The following ARL13B variants were observed in gnomAD, a reference collection of about 807,000 sequenced individuals.
ARL13B encodes the protein ADP-ribosylation factor-like protein 13B.
A neutral mutation model predicts 56.1 loss-of-function variants in ARL13B; 36 were observed. The ratio of observed to expected loss-of-function variants is 0.64; its 90% CI spans 0.49 to 0.85. The LOEUF (loss-of-function observed/expected upper bound fraction) is 0.85. Ranked by LOEUF, ARL13B falls within the 40% of genes least tolerant of loss-of-function variation. ARL13B has a pLI of 0.00. For missense variants in ARL13B, 519 were observed against 507.1 expected, an observed-to-expected ratio of 1.02 and a Z score of -0.23; for synonymous variants, 178 against 171.1, an observed-to-expected ratio of 1.04 and a Z score of -0.32.
chr3:94,016,935 G>A (rs1000135023), intron 3 of ARL13B, among the ~76,000 whole-genome samples: 19 of 152,076 alleles, frequency 1.2e-4, no homozygotes, highest in African/African-American at 7.2e-5. Context: ...GTGAGCCACC[G>A]CTCCCAGCCT....
At chr3:93,992,967 A>ATTTTTTTT (rs137978294) in intron 1 of ARL13B, among the ~76,000 whole-genome samples, 2 of 114,572 alleles carry the variant, frequency 1.7e-5, no homozygotes, top group Non-Finnish European at 1.9e-5. Flanking sequence ...TAATTTTTGT[A>ATTTTTTTT]TTTTTTTTTT....
At chr3:93,992,484 A>G (rs1209948275) in intron 1 of ARL13B, among the ~76,000 whole-genome samples, 1 of 152,040 alleles carries the variant, frequency 6.6e-6, no homozygotes, top group Non-Finnish European at 1.5e-5. Context: ...TACTGTAATT[A>G]CCTCTCCAGT....
At position 93,980,469 on chromosome 3, in the gene ARL13B, C is replaced by T; in HGVS notation, c.46C>T (p.Arg16Trp). Residue 16 changes from arginine (R) to tryptophan (W), a missense_variant, in exon 1 of 10, where the codon CGG becomes TGG. Arg to Trp is a moderately radical substitution (Grantham distance 101, BLOSUM62 -3). Coordinates refer to ENST00000394222, the MANE Select transcript of ARL13B (RefSeq NM_001174150.2). Reference sequence around the variant, plus strand: ...TTGCTGCGGCTGGTTCAAGCGGTGGCGGGAGCCTGTCAGGTAGGCTGGAGC... The same window carrying T: ...TTGCTGCGGCTGGTTCAAGCGGTGGTGGGAGCCTGTCAGGTAGGCTGGAGC... ...ASCCGWFKRWREPVRKVTLLM... is the reference protein window; with the variant it reads ...ASCCGWFKRWWEPVRKVTLLM... The T allele has an allele frequency of 1.2e-6, 2 of 1,611,586 alleles. No individual in the cohort carries two copies. Among genetic ancestry groups the T allele is most frequent in the Non-Finnish European group, 8.5e-7 (1 of 1,179,960 alleles).
chr3:94,029,133 T>A (rs1371489140), intron 3 of ARL13B, among the ~76,000 whole-genome samples: 1 of 150,942 alleles, frequency 6.6e-6, no homozygotes, highest in Non-Finnish European at 1.5e-5. Flanking sequence ...AAATCATTTA[T>A]TTTGTCAATA....
chr3:93,980,314 GACTTATCC>G lies in ARL13B; in HGVS notation c.-105_-98del. On this transcript the variant is annotated 5_prime_UTR_variant, in exon 1 of 10. Coordinates refer to ENST00000394222, the MANE Select transcript of ARL13B (RefSeq NM_001174150.2). ...CACTTCCCTCCCGGCTTTTCCTCCC[GACTTATCC>G]ACTTTAGGGGCGTCTCGGAGTGCCG... The G allele has an allele frequency of 6.9e-7, 1 of 1,441,384 alleles. No individual in the cohort carries two copies. The highest frequency in any genetic ancestry group is 1.1e-5 in the South Asian group (1 of 87,288). The allele number at this position is 1,441,384 out of a possible 1,614,324, so 89.3% of individuals were successfully genotyped here.
At chr3:94,004,006 C>A (rs186946002) in intron 3 of ARL13B, 98 bp downstream of exon 3, 26 of 1,535,084 alleles carry the variant, frequency 1.7e-5, no homozygotes, top group East Asian at 1.1e-4. Context: ...AAAATAGTCA[C>A]GCTTTAGTAT....
intron 3 of ARL13B, among the ~76,000 whole-genome samples, chr3:94,006,480 A>G (rs2076137595): frequency 6.6e-6 from 1 of 151,778 alleles, no homozygotes; most frequent in Admixed American, 6.6e-5. Flanking sequence ...TCACTACTCC[A>G]TTTCCCTTTA....
At chr3:94,025,696 G>A (rs1345539385) in intron 3 of ARL13B, among the ~76,000 whole-genome samples, 1 of 152,116 alleles carries the variant, frequency 6.6e-6, no homozygotes, top group Non-Finnish European at 1.5e-5. Flanking sequence ...AACGCCCCAT[G>A]GAGTTTGCCC....
At chr3:94,046,867 C>A (rs537969316) in intron 7 of ARL13B, among the ~76,000 whole-genome samples, 2 of 151,926 alleles carry the variant, frequency 1.3e-5, no homozygotes, top group Non-Finnish European at 2.9e-5. Context: ...AATTGCTTTT[C>A]TTTTTCTAAC....
intron 7 of ARL13B, chr3:94,047,976 C>G (rs1361579027): frequency 1.3e-5 from 2 of 150,386 alleles, no homozygotes; most frequent in African/African-American, 4.9e-5. Flanking sequence ...CAGATAATTC[C>G]CATTTAGAAA....
chr3:94,009,092 G>C (rs1242472288), intron 3 of ARL13B, among the ~76,000 whole-genome samples: 1 of 151,642 alleles, frequency 6.6e-6, no homozygotes, highest in Non-Finnish European at 1.5e-5. Flanking sequence ...TAGATAGATA[G>C]ATAGATAGAT....
At chr3:94,032,249 T>C (rs558203341) in intron 3 of ARL13B, among the ~76,000 whole-genome samples, 104 of 152,094 alleles carry the variant, frequency 6.8e-4, no homozygotes, top group Non-Finnish European at 1.1e-3. Flanking sequence ...AAGACATGAA[T>C]AGTCATTTTT....
chr3:94,002,377 G>A (rs1292691492), intron 2 of ARL13B, among the ~76,000 whole-genome samples: 1 of 152,034 alleles, frequency 6.6e-6, no homozygotes, highest in African/African-American at 2.4e-5. Context: ...ACCACATATG[G>A]CTTTTGAACA....
intron 2 of ARL13B, among the ~76,000 whole-genome samples, chr3:94,000,135 G>T (rs2076029479): frequency 6.6e-6 from 1 of 152,088 alleles, no homozygotes; most frequent in Admixed American, 6.6e-5. Flanking sequence ...TTTCATATTG[G>T]CTCATATCAA....
intron 3 of ARL13B, among the ~76,000 whole-genome samples, chr3:94,012,628 T>C (rs2076244747): frequency 6.6e-6 from 1 of 152,150 alleles, no homozygotes; most frequent in African/African-American, 2.4e-5. Context: ...ATTGGTAAAA[T>C]TGTAAAAATA....
At chr3:94,046,144 A>C (rs372389712) in intron 7 of ARL13B, among the ~76,000 whole-genome samples, 1 of 151,916 alleles carries the variant, frequency 6.6e-6, no homozygotes, top group Non-Finnish European at 1.5e-5. Context: ...CAAACTGCAC[A>C]TATTTATAGT....
At chr3:94,010,399 C>A (rs954515237) in intron 3 of ARL13B, among the ~76,000 whole-genome samples, 1 of 151,928 alleles carries the variant, frequency 6.6e-6, no homozygotes, top group Non-Finnish European at 1.5e-5. Flanking sequence ...TTTCATCTTA[C>A]GAATTCAAGC....
chr3:94,012,084 T>C (rs1419887907), intron 3 of ARL13B, among the ~76,000 whole-genome samples: 4 of 152,176 alleles, frequency 2.6e-5, no homozygotes, highest in Admixed American at 2.0e-4. Context: ...CAGTTTCAGT[T>C]AGTTTCTTTT....
rs2077103864 is a variant in ARL13B at position 94,053,879 on chromosome 3, C to T, written c.*616C>T. The T allele has an allele frequency of 6.4e-6, 2 of 310,840 alleles. No homozygotes were observed. The highest frequency in any genetic ancestry group is 4.5e-5 in the Admixed American group (1 of 22,276). 19.3% of individuals were successfully genotyped at this position (310,840 alleles called of 1,614,324 possible). ...TGGCTTGAGGTATGTTTTGTAATAG[C>T]GTTGTTCTTTAAGTGTACATCGTAA... On this transcript the variant is annotated 3_prime_UTR_variant, in exon 10 of 10. Coordinates refer to ENST00000394222, the MANE Select transcript of ARL13B (RefSeq NM_001174150.2).
Sources: gnomAD v4.1 joint callset for allele counts (sites outside exome capture counted in the v4.1 genomes callset) on GRCh38, gnomAD v4.1.1 for gene constraint, MANE v1.5 for transcripts, NCBI Gene and HGNC (gene_info 2026-07-23, HGNC 2026-07-21) for gene names.